Variants in TM6SF1 observed in about 807,000 individuals in gnomAD.
The protein encoded by TM6SF1 is transmembrane 6 superfamily member 1.
In TM6SF1, 43 loss-of-function variants were observed where a neutral mutation model predicts 47.1. That is an observed-to-expected ratio of 0.91 (90% CI 0.72 to 1.18). The LOEUF is 1.18. TM6SF1 is among the 50% of genes most tolerant of loss of function. TM6SF1 has a pLI of 0.00. For synonymous variants in TM6SF1, 177 were observed against 166.3 expected (o/e 1.06, Z -0.49); for missense variants, 390 against 449.0 (o/e 0.87, Z 1.19).
intron 9 of TM6SF1, chr15:83,128,196 A>T (rs2035941691): frequency 6.6e-6 from 1 of 152,298 alleles, no homozygotes; most frequent in African/African-American, 2.4e-5. Context: ...TATAAGAATG[A>T]GGTTCATCTA....
Position 83,107,945 on chromosome 15 carries a change from G to A in TM6SF1, c.92+173G>A. The A allele has an allele frequency of 2.4e-6, 3 of 1,237,490 alleles. No homozygotes were observed. Among genetic ancestry groups the A allele is most frequent in the Non-Finnish European group, 3.1e-6 (3 of 972,030 alleles). 76.7% of individuals were successfully genotyped at this position (1,237,490 alleles called of 1,614,324 possible). A position where few individuals can be genotyped will look rare whatever the true frequency, so the allele number is the denominator to read the frequency against. ...AGACTAGGGGGGCGCCCCAGGGGTC[G>A]CACGGGCCGGGTCTTGGAGCCGGGC... On this transcript the variant is annotated intron_variant, in intron 1 of 9. Coordinates refer to ENST00000322019, the MANE Select transcript of TM6SF1 (RefSeq NM_023003.5). The surrounding 1 kb of genome is among the most constrained non-coding windows in gnomAD (Gnocchi z 5.6).
At chr15:83,130,299 G>T (rs1032589559) in intron 9 of TM6SF1, 1 of 152,386 alleles carries the variant, frequency 6.6e-6, no homozygotes, top group Non-Finnish European at 1.5e-5. Flanking sequence ...ACCCTAATCT[G>T]TTGGTGAAGC....
At chr15:83,127,999 C>A (rs187709526) in intron 9 of TM6SF1, 1 of 152,398 alleles carries the variant, frequency 6.6e-6, no homozygotes, top group Non-Finnish European at 1.5e-5. Flanking sequence ...ATGCTTACTG[C>A]GTTTAACTGA....
intron 1 of TM6SF1, among the ~76,000 whole-genome samples, chr15:83,110,504 C>T (rs1017568998): frequency 6.6e-5 from 10 of 152,166 alleles, no homozygotes; most frequent in South Asian, 2.1e-4. Context: ...CATGAGAGGA[C>T]GCTGTGAACC....
At chr15:83,108,570 G>A (rs567574197) in intron 1 of TM6SF1, among the ~76,000 whole-genome samples, 1 of 152,312 alleles carries the variant, frequency 6.6e-6, no homozygotes, top group East Asian at 1.9e-4. Flanking sequence ...TCCACTGCAG[G>A]GATCACGGAC....
At position 83,136,391 on chromosome 15, in the gene TM6SF1, A is replaced by C. The variant is rs1164782230; in HGVS notation, c.922-90A>C. The C allele has an allele frequency of 1.0e-5, 12 of 1,157,846 alleles. No individual in the cohort carries two copies. The East Asian group carries it at 3.0e-4, about 29-fold the overall frequency. The allele number at this position is 1,157,846 out of a possible 1,614,324, so 71.7% of individuals were successfully genotyped here. A position where few individuals can be genotyped will look rare whatever the true frequency, so the allele number is the denominator to read the frequency against. On this transcript the variant is annotated intron_variant, in intron 9 of 9. Transcript: ENST00000322019. Reference sequence around the variant, plus strand: ...TGAGACTGGTTTTGAGGGCACAGAAACGTAGCCTGAATGAACCATTCAGAA... The same window carrying C: ...TGAGACTGGTTTTGAGGGCACAGAACCGTAGCCTGAATGAACCATTCAGAA...
intron 3 of TM6SF1, among the ~76,000 whole-genome samples, chr15:83,117,122 A>G (rs559238128): frequency 2.6e-5 from 4 of 152,190 alleles, no homozygotes; most frequent in African/African-American, 9.7e-5. Flanking sequence ...CTGCTGTAGC[A>G]TTTTAAAAAT....
intron 3 of TM6SF1, among the ~76,000 whole-genome samples, chr15:83,118,531 A>G (rs2034910551): frequency 6.6e-6 from 1 of 152,208 alleles, no homozygotes; most frequent in African/African-American, 2.4e-5. Context: ...GTGTAGAAGC[A>G]GAACCTTGAT....
At chr15:83,121,316 A>G (rs940962324) in intron 4 of TM6SF1, among the ~76,000 whole-genome samples, 1 of 149,748 alleles carries the variant, frequency 6.7e-6, no homozygotes. Context: ...TCCTGACCTC[A>G]AGTGATCTGC....
chr15:83,112,129 G>A (rs1214284158), intron 1 of TM6SF1, among the ~76,000 whole-genome samples: 1 of 152,080 alleles, frequency 6.6e-6, no homozygotes, highest in Non-Finnish European at 1.5e-5. Context: ...AGAACATCCA[G>A]GGGATGTACT....
At chr15:83,121,289 C>A (rs1242750944) in intron 4 of TM6SF1, among the ~76,000 whole-genome samples, 1 of 150,464 alleles carries the variant, frequency 6.6e-6, no homozygotes, top group Non-Finnish European at 1.5e-5. Context: ...ACCATGTTGG[C>A]CAGGCTGGTT....
chr15:83,122,335 A>G (rs913226542), intron 5 of TM6SF1, among the ~76,000 whole-genome samples: 10 of 152,204 alleles, frequency 6.6e-5, no homozygotes, highest in African/African-American at 2.2e-4. Context: ...GAGAACTCCA[A>G]AAATGTACTT....
intron 4 of TM6SF1, among the ~76,000 whole-genome samples, chr15:83,121,645 T>A (rs2035254541): frequency 6.6e-6 from 1 of 152,158 alleles, no homozygotes; most frequent in Admixed American, 6.6e-5. Flanking sequence ...AATGCAGGAG[T>A]CCTGTGGCAG....
intron 1 of TM6SF1, among the ~76,000 whole-genome samples, chr15:83,108,592 C>T (rs965763807): frequency 3.9e-5 from 6 of 152,166 alleles, no homozygotes; most frequent in Non-Finnish European, 5.9e-5. Flanking sequence ...AACCTGCAGC[C>T]GGCAGCTGAA....
chr15:83,115,410 G>A (rs1362109351), intron 2 of TM6SF1: 1 of 332,628 alleles, frequency 3.0e-6, no homozygotes, highest in Non-Finnish European at 5.9e-6. Flanking sequence ...GAGCCACCAT[G>A]CCCAGCCTGA....
At chr15:83,111,148 A>T (rs1176381334) in intron 1 of TM6SF1, among the ~76,000 whole-genome samples, 2 of 152,214 alleles carry the variant, frequency 1.3e-5, no homozygotes, top group Non-Finnish European at 2.9e-5. Context: ...CTTGGATTAC[A>T]GGTGTGAGCC....
intron 9 of TM6SF1, chr15:83,127,839 T>C (rs1282908142): frequency 7.6e-6 from 2 of 262,026 alleles, no homozygotes; most frequent in Non-Finnish European, 1.5e-5. Flanking sequence ...ACCTTCAAAA[T>C]GTCCATCCAA....
Position 83,111,580 on chromosome 15 carries a change from C to T in TM6SF1, c.93-1217C>T, listed in dbSNP as rs145731166. On this transcript the variant is annotated intron_variant, in intron 1 of 9. Transcript: ENST00000322019. ...TCTTATCTTTCTCTCTCCTAGGGGA[C>T]GGTGATAGTTATCCAAAGGTCCCGA... is the stretch of plus-strand genomic sequence containing the variant. The T allele has an allele frequency of 1.0e-4, 100 of 979,304 alleles. 1 individual carries two copies. The East Asian group carries it at 8.1e-3, about 79-fold the overall frequency. The allele number at this position is 979,304 out of a possible 1,614,324, so 60.7% of individuals were successfully genotyped here. A position where few individuals can be genotyped will look rare whatever the true frequency, so the allele number is the denominator to read the frequency against.
intron 1 of TM6SF1, among the ~76,000 whole-genome samples, chr15:83,112,157 G>A (rs184030936): frequency 1.7e-4 from 26 of 152,122 alleles, no homozygotes; most frequent in Admixed American, 1.7e-3. Flanking sequence ...GCTTCACCTT[G>A]GTTTCTATGG....
Sources: gnomAD v4.1 joint callset for allele counts (sites outside exome capture counted in the v4.1 genomes callset) on GRCh38, gnomAD v4.1.1 for gene constraint, Gnocchi (gnomAD v3.1) non-coding constraint, MANE v1.5 for transcripts, NCBI Gene and HGNC (gene_info 2026-07-23, HGNC 2026-07-21) for gene names.